Variants in DEPDC5 observed in about 807,000 individuals in gnomAD.
DEPDC5 encodes DEP domain containing 5, GATOR1 subcomplex subunit, also known as GATOR1 complex protein DEPDC5.
In DEPDC5, 73 loss-of-function variants were observed where a neutral mutation model predicts 217.3. The observed-to-expected ratio is 0.34, with a 90% CI of 0.28 to 0.41. The LOEUF is 0.41. DEPDC5 is among the 10% of genes least tolerant of loss of function. DEPDC5 has a pLI of 1.00. For missense variants in DEPDC5, 1,675 were observed against 2,070.1 expected, an observed-to-expected ratio of 0.81 and a Z score of 3.70; for synonymous variants, 733 against 756.7, an observed-to-expected ratio of 0.97 and a Z score of 0.51.
At chr22:31,761,962 C>T (rs1220628170) in intron 4 of DEPDC5, among the ~76,000 whole-genome samples, 8 of 135,562 alleles carry the variant, frequency 5.9e-5, no homozygotes, top group Non-Finnish European at 9.2e-5. Flanking sequence ...AGCGAGACTC[C>T]GGCTCAAAAA....
intron 37 of DEPDC5, 123 bp downstream of exon 37, chr22:31,876,388 G>A (rs745974673): frequency 1.1e-5 from 8 of 708,846 alleles, no homozygotes; most frequent in Non-Finnish European, 1.9e-5. Context: ...TGACAGATCT[G>A]TCAACTTCCT....
chr22:31,796,118 T>G (rs1157788095), intron 12 of DEPDC5, among the ~76,000 whole-genome samples: 1 of 128,700 alleles, frequency 7.8e-6, no homozygotes, highest in Admixed American at 7.7e-5. Context: ...TTTTTTTTTT[T>G]GAGGCGAAGT....
In DEPDC5 at chr22:31,754,938, T is replaced by C; in HGVS notation, c.17T>C (p.Val6Ala). 6.2e-7 allele frequency: 1 copy of C among 1,614,158 alleles called. No homozygotes were observed. The highest frequency in any genetic ancestry group is 8.5e-7 in the Non-Finnish European group (1 of 1,180,022). The change falls in exon 2 of 43, where the codon GTC becomes GCC. Residue 6 changes from valine to alanine, a missense_variant. By Grantham distance (64) the Val-to-Ala change is moderately conservative. Around this residue, in one of 11 missense-constraint regions of DEPDC5, gnomAD observed 628 missense variants for 762.1 expected, o/e 0.82. Coordinates refer to ENST00000651528, the MANE Select transcript of DEPDC5 (RefSeq NM_001242896.3). Reference protein sequence around the residue: MRTTKVYKLVIHKKGF... With the variant: MRTTKAYKLVIHKKGF... ...CAGTGCAAGATGAGAACAACAAAGG[T>C]CTACAAACTCGTCATCCACAAGAAG...
chr22:31,897,256 G>A (rs2093569835), intron 39 of DEPDC5, among the ~76,000 whole-genome samples: 1 of 152,226 alleles, frequency 6.6e-6, no homozygotes, highest in Admixed American at 6.5e-5. Flanking sequence ...AGTTTGGGCT[G>A]TAAAGAGGAG....
intron 38 of DEPDC5, among the ~76,000 whole-genome samples, chr22:31,888,298 G>A (rs1038779565): frequency 7.8e-6 from 1 of 128,242 alleles, no homozygotes. Context: ...CGCCCAGGCT[G>A]GAGTGCAGTG....
chr22:31,861,540 G>A, intron 33 of DEPDC5, 107 bp downstream of exon 33: 2 of 1,207,744 alleles, frequency 1.7e-6, no homozygotes, highest in Non-Finnish European at 2.4e-6. Context: ...CTAAGTTTGG[G>A]GGGCAGTTGA....
intron 10 of DEPDC5, among the ~76,000 whole-genome samples, chr22:31,789,062 A>G (rs2085340632): frequency 6.8e-6 from 1 of 146,746 alleles, no homozygotes; most frequent in Non-Finnish European, 1.5e-5. Flanking sequence ...TTACCCTGCT[A>G]ATTTTTGTAT....
intron 3 of DEPDC5, among the ~76,000 whole-genome samples, chr22:31,759,133 T>C (rs1176804094): frequency 2.0e-5 from 3 of 152,116 alleles, no homozygotes; most frequent in East Asian, 1.9e-4. Context: ...GGTTTCACCA[T>C]GTTGCCCAGG....
intron 27 of DEPDC5, among the ~76,000 whole-genome samples, chr22:31,842,031 A>T (rs1602340772): frequency 2.0e-5 from 3 of 152,318 alleles, no homozygotes; most frequent in East Asian, 3.9e-4. Flanking sequence ...CGTTCAGTTC[A>T]GTTCAGCTAA....
chr22:31,866,409 GAC>G (rs991241052), intron 33 of DEPDC5, among the ~76,000 whole-genome samples: 11 of 151,876 alleles, frequency 7.2e-5, no homozygotes, highest in Non-Finnish European at 1.0e-4. Context: ...TCTTTTTTGA[GAC>G]AGTCTCGCTC....
intron 32 of DEPDC5, among the ~76,000 whole-genome samples, chr22:31,860,151 ACTC>A (rs1397517328): frequency 2.6e-5 from 4 of 152,170 alleles, no homozygotes; most frequent in African/African-American, 9.7e-5. Context: ...CTGGAAGTAA[ACTC>A]CTGAATAGTC....
At position 31,851,738 on chromosome 22, in the gene DEPDC5, C is replaced by T. The variant is rs114085163; in HGVS notation, c.3155+4771C>T. Among the ~76,000 whole-genome samples, 677 of 152,210 alleles carry T rather than the reference C, an allele frequency of 4.4e-3. 3 individuals are homozygous for T. Among genetic ancestry groups the T allele is most frequent in the African/African-American group, 0.015 (643 of 41,532 alleles). ...GTATGGTATGAGGGTCTGTCATGCC[C>T]GCAGGAACCTGCACACATTAGGCTT... On this transcript the variant is annotated intron_variant, in intron 31 of 42. Transcript: ENST00000651528.
rs1476978141 is a variant in DEPDC5, at chr22:31,792,189, G to A, written c.694+87G>A. On this transcript the variant is annotated intron_variant, in intron 11 of 42. Transcript: ENST00000651528. ...GCCATTTCCTTTCATTTTTTTCCTC[G>A]TTGCACTTTTCCACCCTTCCCATCT... is the stretch of plus-strand genomic sequence containing the variant. 4.8e-5 allele frequency: 49 copies of A among 1,012,018 alleles called. 1 individual carries two copies. Among genetic ancestry groups the A allele is most frequent in the Admixed American group, 2.8e-4 (15 of 53,828 alleles). The allele number at this position is 1,012,018 out of a possible 1,614,324, so 62.7% of individuals were successfully genotyped here. A position where few individuals can be genotyped will look rare whatever the true frequency, so the allele number is the denominator to read the frequency against.
In DEPDC5 at chr22:31,845,186, G is replaced by A. The variant is rs2091653036; in HGVS notation, c.2970G>A (p.Val990=). ...TCCTGGATGGTTTTGTCCGCTTTGTGGAGGGCTTGAATCGCATTCGCAGGC... is the reference window on the plus strand; with the variant it reads ...TCCTGGATGGTTTTGTCCGCTTTGTAGAGGGCTTGAATCGCATTCGCAGGC... ...WQLLDGFVRF[V]EGLNRIRRRH... The change falls in exon 30 of 43, where the codon GTG becomes GTA. Residue 990 remains valine, a synonymous_variant. Coordinates refer to ENST00000651528, the MANE Select transcript of DEPDC5 (RefSeq NM_001242896.3). 1 of 1,614,216 alleles carries A rather than the reference G, an allele frequency of 6.2e-7. No homozygotes were observed. The highest frequency in any genetic ancestry group is 8.5e-7 in the Non-Finnish European group (1 of 1,180,030).
At chr22:31,780,462 C>T (rs1232444674) in intron 8 of DEPDC5, among the ~76,000 whole-genome samples, 1 of 152,128 alleles carries the variant, frequency 6.6e-6, no homozygotes, top group African/African-American at 2.4e-5. Flanking sequence ...CTGGAGTTCT[C>T]GTAATCACTT....
At position 31,819,190 on chromosome 22, in the gene DEPDC5, C is replaced by A. The variant is rs1333716734; in HGVS notation, c.1835C>A (p.Ser612Tyr). 1 of 1,614,036 alleles carries A rather than the reference C, an allele frequency of 6.2e-7. No individual in the cohort carries two copies. Among genetic ancestry groups the A allele is most frequent in the East Asian group, 2.2e-5 (1 of 44,896 alleles). Residue 612 changes from serine to tyrosine, a missense_variant, in exon 22 of 43, where the codon TCC becomes TAC. Ser to Tyr is a moderately radical substitution (Grantham distance 144). Coordinates refer to ENST00000651528, the MANE Select transcript of DEPDC5 (RefSeq NM_001242896.3). ...APSRMPMKLTSNRRRWMHTFP... is the reference protein window; with the variant it reads ...APSRMPMKLTYNRRRWMHTFP... ...TCTCGGATGCCCATGAAGCTTACGT[C>A]CAACAGAAGGCGCTGGATGCACACT... is the stretch of plus-strand genomic sequence containing the variant.
At chr22:31,802,910 A>G in intron 15 of DEPDC5, 72 bp downstream of exon 15, 2 of 1,466,672 alleles carry the variant, frequency 1.4e-6, no homozygotes, top group Non-Finnish European at 1.8e-6. Flanking sequence ...TGTGAGCTTC[A>G]CTGACTTCTT....
intron 14 of DEPDC5, 103 bp from the exon 15 acceptor site, chr22:31,802,601 A>G (rs2086996488): frequency 1.5e-6 from 2 of 1,338,714 alleles, no homozygotes; most frequent in Non-Finnish European, 2.0e-6. Context: ...TTGCTATAAT[A>G]AAAATATGGG....
intron 25 of DEPDC5, among the ~76,000 whole-genome samples, chr22:31,835,722 G>T (rs1307173147): frequency 6.6e-6 from 1 of 152,174 alleles, no homozygotes; most frequent in Non-Finnish European, 1.5e-5. Flanking sequence ...AAATGGAGAT[G>T]ATTAATTAGG....
Sources: allele counts gnomAD v4.1 joint callset (sites outside exome capture counted in the v4.1 genomes callset), GRCh38; gene constraint gnomAD v4.1.1; regional missense constraint gnomAD v4.1.1; transcripts MANE v1.5; gene names NCBI Gene and HGNC (gene_info 2026-07-23, HGNC 2026-07-21).